The following UPP2 variants were observed in gnomAD, a reference collection of about 807,000 sequenced individuals.
UPP2 encodes uridine phosphorylase 2, also known as UPase 2.
UPP2 carries 23 observed loss-of-function variants against 26.7 expected under a neutral mutation model. The observed-to-expected ratio is 0.86, with a 90% CI of 0.62 to 1.22. The LOEUF (loss-of-function observed/expected upper bound fraction) is 1.22. Ranked by LOEUF, UPP2 falls within the 50% of genes most tolerant of loss-of-function variation. The pLI is 0.00. For missense variants in UPP2, 387 were observed against 396.7 expected (o/e 0.98, Z 0.21); for synonymous variants, 127 against 141.3 (o/e 0.90, Z 0.72).
At chr2:158,108,363 T>C (rs1183326817) in intron 2 of UPP2, among the ~76,000 whole-genome samples, 1 of 152,174 alleles carries the variant, frequency 6.6e-6, no homozygotes, top group Non-Finnish European at 1.5e-5. Flanking sequence ...ACACAGCTGG[T>C]AAGTCAAATA....
chr2:158,036,446 G>C (rs1007788349), intron 3 of UPP2, among the ~76,000 whole-genome samples: 1 of 152,150 alleles, frequency 6.6e-6, no homozygotes, highest in Non-Finnish European at 1.5e-5. Context: ...CCTCAATACA[G>C]AGCTCTCAGC....
intron 2 of UPP2, among the ~76,000 whole-genome samples, chr2:158,013,351 A>C (rs1182513616): frequency 1.3e-5 from 2 of 152,186 alleles, no homozygotes; most frequent in Non-Finnish European, 2.9e-5. Flanking sequence ...ATGAGGATGC[A>C]TTAAAGGGGC....
chr2:158,091,441 T>C (rs745372573), intron 3 of UPP2, among the ~76,000 whole-genome samples: 1 of 152,086 alleles, frequency 6.6e-6, no homozygotes, highest in Non-Finnish European at 1.5e-5. Flanking sequence ...GTAGAAAAAA[T>C]AGGATACGGT....
At chr2:158,058,988 A>C (rs571381812) in intron 3 of UPP2, among the ~76,000 whole-genome samples, 2 of 152,294 alleles carry the variant, frequency 1.3e-5, no homozygotes, top group African/African-American at 4.8e-5. Flanking sequence ...AGATGAGTGA[A>C]GGGATATGAA....
At position 158,134,860 on chromosome 2, in the gene UPP2, C is replaced by T; in HGVS notation, c.924C>T (p.Phe308=). Residue 308 remains phenylalanine (F), a synonymous_variant, in exon 7 of 7, where the codon TTC becomes TTT. Transcript: ENST00000005756. ...GGCCTCAGCTCCTAATCTCCAACTT[C>T]ATCAGACGGCGGCTTGGACTTTGTG... ...QQRPQLLISN[F]IRRRLGLCD is the part of the protein sequence containing the mutation. The T allele has an allele frequency of 6.2e-7, 1 of 1,613,708 alleles. No individual in the cohort carries two copies. Among genetic ancestry groups the T allele is most frequent in the Non-Finnish European group, 8.5e-7 (1 of 1,179,758 alleles).
chr2:158,074,348 A>G (rs1682591556), intron 3 of UPP2, among the ~76,000 whole-genome samples: 2 of 152,196 alleles, frequency 1.3e-5, no homozygotes, highest in African/African-American at 4.8e-5. Flanking sequence ...AGTGAAAAAT[A>G]ATAGCTATAA....
In UPP2 at chr2:158,132,568, A is replaced by G. The variant is rs115753358; in HGVS notation, c.812-2180A>G. Among the ~76,000 whole-genome samples the G allele has an allele frequency of 4.5e-3, 684 of 152,352 alleles. 2 individuals carry two copies. Among genetic ancestry groups the G allele is most frequent in the African/African-American group, 0.015 (617 of 41,580 alleles). ...CATGTAGCAATAACTAAGTCAAACA[A>G]AAAAGATACATGGATTGGAGAAATG... is the stretch of plus-strand genomic sequence containing the variant. On this transcript the variant is annotated intron_variant, in intron 6 of 6. Coordinates refer to ENST00000005756, the MANE Select transcript of UPP2 (RefSeq NM_173355.4).
chr2:158,122,835 C>T (rs534523547), intron 5 of UPP2, among the ~76,000 whole-genome samples: 156 of 152,270 alleles, frequency 1.0e-3, no homozygotes, highest in African/African-American at 3.5e-3. Context: ...ACCTGCTTGG[C>T]TTCTGCGATG....
At chr2:158,051,392 C>T (rs1168127710) in intron 3 of UPP2, among the ~76,000 whole-genome samples, 1 of 152,050 alleles carries the variant, frequency 6.6e-6, no homozygotes, top group African/African-American at 2.4e-5. Context: ...CAGTGCTGTG[C>T]TGAGGGTATA....
At chr2:158,027,730 G>A (rs2105153766) in intron 3 of UPP2, among the ~76,000 whole-genome samples, 1 of 152,294 alleles carries the variant, frequency 6.6e-6, no homozygotes, top group African/African-American at 2.4e-5. Flanking sequence ...CTCCATGAGT[G>A]CCCCACCCCT....
chr2:158,104,591 A>AG (rs11426649), intron 1 of UPP2, among the ~76,000 whole-genome samples: 3,480 of 152,210 alleles, frequency 0.023, 113 homozygotes, highest in African/African-American at 0.079. Flanking sequence ...GAAAGACACA[A>AG]GGCCTGGTAA....
chr2:158,040,795 T>C (rs1305476619), intron 3 of UPP2, among the ~76,000 whole-genome samples: 1 of 152,176 alleles, frequency 6.6e-6, no homozygotes, highest in East Asian at 1.9e-4. Flanking sequence ...TATTTGTAAA[T>C]AAATTTGGTG....
At chr2:158,002,853 A>C (rs1224352721) in intron 2 of UPP2, among the ~76,000 whole-genome samples, 1 of 152,110 alleles carries the variant, frequency 6.6e-6, no homozygotes, top group Non-Finnish European at 1.5e-5. Flanking sequence ...ATTAGTGGTG[A>C]CTTTGCTGCT....
rs574424382 is a variant in UPP2 at position 158,028,756 on chromosome 2, C to T, written c.147+12870C>T. Among the ~76,000 whole-genome samples, 13 of 152,288 alleles carry T rather than the reference C, an allele frequency of 8.5e-5. No individual in the cohort carries two copies. In the East Asian group the frequency reaches 1.3e-3, roughly 16 times the overall value. On this transcript the variant is annotated intron_variant, in intron 3 of 9. Transcript: ENST00000605860. ...CAGTTCCACATGGCTGGAGAGGCCT[C>T]GGAATCATGACAGGAGGCAAAAGGC...
At chr2:158,117,234 G>GAA (rs200674868) in intron 3 of UPP2, among the ~76,000 whole-genome samples, 1 of 151,728 alleles carries the variant, frequency 6.6e-6, no homozygotes, top group Non-Finnish European at 1.5e-5. Flanking sequence ...CCTGAATACT[G>GAA]AAAAAAACAG....
At chr2:158,020,887 A>G (rs1683739870) in intron 3 of UPP2, among the ~76,000 whole-genome samples, 2 of 152,362 alleles carry the variant, frequency 1.3e-5, no homozygotes, top group African/African-American at 2.4e-5. Context: ...TTACAGGAAA[A>G]TATTTCTTGA....
At chr2:158,068,601 T>C (rs1382984877) in intron 3 of UPP2, among the ~76,000 whole-genome samples, 2 of 151,194 alleles carry the variant, frequency 1.3e-5, no homozygotes, top group East Asian at 3.9e-4. Flanking sequence ...TTTCCTCACC[T>C]GTAAAATGAA....
chr2:158,093,545 A>G (rs1682942747), intron 3 of UPP2, among the ~76,000 whole-genome samples: 1 of 152,200 alleles, frequency 6.6e-6, no homozygotes, highest in Non-Finnish European at 1.5e-5. Flanking sequence ...AGACAAAAAT[A>G]AAATACCCAA....
At chr2:158,037,626 G>C (rs1684024344) in intron 3 of UPP2, among the ~76,000 whole-genome samples, 1 of 151,990 alleles carries the variant, frequency 6.6e-6, no homozygotes, top group Admixed American at 6.6e-5. Context: ...TTGGCTTGTA[G>C]AGGCATCACT....
Sources: gnomAD v4.1 joint callset for allele counts (sites outside exome capture counted in the v4.1 genomes callset) on GRCh38, gnomAD v4.1.1 for gene constraint, MANE v1.5 for transcripts, NCBI Gene and HGNC (gene_info 2026-07-23, HGNC 2026-07-21) for gene names.